Variants in ADGRB2 observed in about 807,000 individuals in gnomAD.
The protein encoded by ADGRB2 is brain-specific angiogenesis inhibitor 2.
In ADGRB2, 47 loss-of-function variants were observed where a neutral mutation model predicts 178.7. The ratio of observed to expected loss-of-function variants is 0.26; its 90% confidence interval spans 0.21 to 0.34. The LOEUF is 0.34. Ranked by LOEUF, ADGRB2 falls within the 10% of genes least tolerant of loss-of-function variation. ADGRB2 has a pLI of 1.00. For missense variants in ADGRB2, 1,584 were observed against 2,180.8 expected, an observed-to-expected ratio of 0.73 and a Z score of 5.45; for synonymous variants, 870 against 912.4, an observed-to-expected ratio of 0.95 and a Z score of 0.84.
In ADGRB2 at chr1:31,744,249, A is replaced by G. The variant is rs1299919460; in HGVS notation, c.1031T>C (p.Leu344Pro). 1.3e-6 allele frequency: 2 copies of G among 1,550,028 alleles called. No individual in the cohort carries two copies. The highest frequency in any genetic ancestry group is 2.0e-5 in the Admixed American group (1 of 50,580). ...GGTCTCCCGCAGGGGCCCGCTGCAC[A>G]GGGTCCCATAGGGGGAGGACACACA... ...RSCVSSPYGT[L>P]CSGPLRETRP... is the part of the protein sequence containing the mutation. Residue 344 changes from leucine (L) to proline (P), a missense_variant, in exon 6 of 33, where the codon CTG becomes CCG. Around this residue, in one of 3 missense-constraint regions of ADGRB2, gnomAD observed 657 missense variants for 847.6 expected, o/e 0.78. Coordinates refer to ENST00000373658, the MANE Select transcript of ADGRB2 (RefSeq NM_001364857.2). This position sits in a 1 kb window ranked among gnomAD's most constrained non-coding sequence, Gnocchi z 6.7.
At chr1:31,732,878 C>A in intron 26 of ADGRB2, 94 bp downstream of exon 26, 5 of 1,452,564 alleles carry the variant, frequency 3.4e-6, no homozygotes, top group African/African-American at 1.4e-5. Context: ...GCACCCTGGT[C>A]GGGGCCTCGA....
intron 4 of ADGRB2, among the ~76,000 whole-genome samples, chr1:31,750,198 T>G (rs1469334290): frequency 4.6e-5 from 7 of 152,230 alleles, no homozygotes; most frequent in Admixed American, 4.6e-4. Context: ...GGTCCTCTTT[T>G]CTATGGCCTA....
In ADGRB2 at chr1:31,735,125, C is replaced by T. The variant is rs916744882; in HGVS notation, c.3452+58G>A. 3 of 559,268 alleles carry T rather than the reference C, an allele frequency of 5.4e-6. No individual in the cohort carries two copies. Among genetic ancestry groups the T allele is most frequent in the African/African-American group, 3.9e-5 (2 of 50,690 alleles). The allele number at this position is 559,268 out of a possible 1,614,324, so 34.6% of individuals were successfully genotyped here. A position where few individuals can be genotyped will look rare whatever the true frequency, so the allele number is the denominator to read the frequency against. On this transcript the variant is annotated intron_variant, in intron 25 of 32. Coordinates refer to ENST00000373658, the MANE Select transcript of ADGRB2 (RefSeq NM_001364857.2). The surrounding 1 kb of genome is among the most constrained non-coding windows in gnomAD (Gnocchi z 6.0). Reference sequence around the variant, plus strand: ...CCTCCTCCCCCCACCATGGGCACTGCCCCCCCCAATTCCTTTGCCCCACCC... The same window carrying T: ...CCTCCTCCCCCCACCATGGGCACTGTCCCCCCCAATTCCTTTGCCCCACCC...
Position 31,744,842 on chromosome 1 carries a change from T to C in ADGRB2, c.839-111A>G. 1 of 968,284 alleles carries C rather than the reference T, an allele frequency of 1.0e-6. No individual in the cohort carries two copies. Among genetic ancestry groups the C allele is most frequent in the South Asian group, 1.4e-5 (1 of 73,618 alleles). 60.0% of individuals were successfully genotyped at this position (968,284 alleles called of 1,614,324 possible). On this transcript the variant is annotated intron_variant, in intron 4 of 32. Transcript: ENST00000373658. This position sits in a 1 kb window ranked among gnomAD's most constrained non-coding sequence, Gnocchi z 6.7. ...CTCCGCCTGAGGGCCTGGAACCAAC[T>C]GCATGATGCTCTCTCAGGATCACAT...
chr1:31,744,314 G>T lies in ADGRB2; in HGVS notation c.966C>A (p.Ser322=). 6.4e-7 allele frequency: 1 copy of T among 1,551,348 alleles called. No individual in the cohort carries two copies. The highest frequency in any genetic ancestry group is 8.7e-7 in the Non-Finnish European group (1 of 1,146,922). The stretch of plus-strand genomic sequence containing the variant: ...CCTGCAGACCCTGCCCACACGTCAG[G>T]GAACACACGCTCCACGGGGACCACT... The part of the protein sequence containing the change: ...AEEWSPWSVC[S]LTCGQGLQVR... Residue 322 remains serine (S), a synonymous_variant, in exon 6 of 33, where the codon TCC becomes TCA. Coordinates refer to ENST00000373658, the MANE Select transcript of ADGRB2 (RefSeq NM_001364857.2). This position sits in a 1 kb window ranked among gnomAD's most constrained non-coding sequence, Gnocchi z 6.7.
chr1:31,732,036 G>A, intron 28 of ADGRB2, 79 bp downstream of exon 28: 2 of 1,577,096 alleles, frequency 1.3e-6, no homozygotes, highest in Non-Finnish European at 1.7e-6. Flanking sequence ...CTCCATCAGG[G>A]CCTCCCATGA....
Position 31,741,710 on chromosome 1 carries a change from C to A in ADGRB2, c.1601G>T (p.Cys534Phe). ...EKRCPAFHEM[C>F]RDEYVMLMTW... is the part of the protein sequence containing the mutation. ...CATCAGCATCACGTACTCATCCCTG[C>A]ACATCTCATGGAAGGCTGTGGGTGC... Residue 534 changes from cysteine to phenylalanine, a missense_variant, in exon 10 of 33, where the codon TGC becomes TTC. By Grantham distance (205) the Cys-to-Phe change is radical. Around this residue, in one of 3 missense-constraint regions of ADGRB2, gnomAD observed 657 missense variants for 847.6 expected, o/e 0.78. Coordinates refer to ENST00000373658, the MANE Select transcript of ADGRB2 (RefSeq NM_001364857.2). The surrounding 1 kb of genome is among the most constrained non-coding windows in gnomAD (Gnocchi z 6.5). 1 of 1,613,812 alleles carries A rather than the reference C, an allele frequency of 6.2e-7. No homozygotes were observed. The highest frequency in any genetic ancestry group is 8.5e-7 in the Non-Finnish European group (1 of 1,179,784).
At position 31,737,464 on chromosome 1, in the gene ADGRB2, G is replaced by T; in HGVS notation, c.2944C>A (p.Leu982Met). The T allele has an allele frequency of 2.5e-6, 4 of 1,614,182 alleles. No individual in the cohort carries two copies. The highest frequency in any genetic ancestry group is 3.4e-6 in the Non-Finnish European group (4 of 1,180,038). The change falls in exon 20 of 33, where the codon CTG becomes ATG. Residue 982 changes from leucine (L) to methionine (M), a missense_variant. By Grantham distance (15) the Leu-to-Met change is conservative (BLOSUM62 2). This residue lies in a region of ADGRB2 where 865 missense variants were observed against 1,192.8 expected (regional missense o/e 0.73). Transcript: ENST00000373658. Reference sequence around the variant, plus strand: ...ACCCGGGACTGGCCCACGAGGATCAGGATGTTGGATGCCAAGATGGACAGG... The same window carrying T: ...ACCCGGGACTGGCCCACGAGGATCATGATGTTGGATGCCAAGATGGACAGG... Reference protein sequence around the residue: ...FCLSILASNILILVGQSRVLS... With the variant: ...FCLSILASNIMILVGQSRVLS...
chr1:31,730,438 T>G (rs1038755771), intron 29 of ADGRB2, among the ~76,000 whole-genome samples: 4 of 152,194 alleles, frequency 2.6e-5, no homozygotes, highest in African/African-American at 9.7e-5. Context: ...CTGATCTCAC[T>G]GCCAATCAGA....
chr1:31,729,773 C>T (rs1270995028), intron 29 of ADGRB2, among the ~76,000 whole-genome samples: 3 of 152,216 alleles, frequency 2.0e-5, no homozygotes, highest in Non-Finnish European at 4.4e-5. Flanking sequence ...CAACAGTGGC[C>T]GGCAGGCAGG....
Position 31,739,431 on chromosome 1 carries a change from G to A in ADGRB2, c.2372C>T (p.Thr791Met), listed in dbSNP as rs774818699. Residue 791 changes from threonine (T) to methionine (M), a missense_variant, in exon 15 of 33, where the codon ACG (threonine) becomes ATG (methionine). This residue lies in a region of ADGRB2 where 865 missense variants were observed against 1,192.8 expected (regional missense o/e 0.73). Transcript: ENST00000373658. ...GGAGTGGCCTGGGCCAGGAGGCACC[G>A]TTCCTGGGCCCCTCCCCCTGCCAGG... ...GSPGRGRGPGTVPPGPGHSHQ... is the reference protein window; with the variant it reads ...GSPGRGRGPGMVPPGPGHSHQ... 23 of 1,583,598 alleles carry A rather than the reference G, an allele frequency of 1.5e-5. No individual in the cohort carries two copies. The highest frequency in any genetic ancestry group is 1.7e-4 in the Middle Eastern group (1 of 5,872).
intron 27 of ADGRB2, 36 bp downstream of exon 27, chr1:31,732,481 G>A: frequency 6.2e-7 from 1 of 1,609,112 alleles, no homozygotes; most frequent in Non-Finnish European, 8.5e-7. Context: ...GGGGTGCCCA[G>A]AATCTGCCCA....
chr1:31,735,217 G>A lies in ADGRB2; in HGVS notation c.3418C>T (p.Pro1140Ser), dbSNP rs1645518195. Reference sequence around the variant, plus strand: ...CTGGCCGAGGCTGAGCTGAGCAGGGGGCTGGGGACCGCTCCACACGCTGAG... The same window carrying A: ...CTGGCCGAGGCTGAGCTGAGCAGGGAGCTGGGGACCGCTCCACACGCTGAG... Reference protein sequence around the residue: ...PCSACGAVPSPLLSSASARNA... With the variant: ...PCSACGAVPSSLLSSASARNA... The change falls in exon 25 of 33, where the codon CCC becomes TCC. Residue 1140 changes from proline (P) to serine (S), a missense_variant. Pro to Ser is a moderately conservative substitution (Grantham distance 74). Transcript: ENST00000373658. The surrounding 1 kb of genome is among the most constrained non-coding windows in gnomAD (Gnocchi z 6.0). The A allele has an allele frequency of 9.6e-6, 14 of 1,457,766 alleles. No homozygotes were observed. Among genetic ancestry groups the A allele is most frequent in the East Asian group, 2.5e-5 (1 of 40,050 alleles). 90.3% of individuals were successfully genotyped at this position (1,457,766 alleles called of 1,614,324 possible).
At chr1:31,730,183 T>A (rs1645204660) in intron 29 of ADGRB2, among the ~76,000 whole-genome samples, 1 of 152,196 alleles carries the variant, frequency 6.6e-6, no homozygotes, top group Non-Finnish European at 1.5e-5. Context: ...GGTGAAGGAT[T>A]CACAGAACAC....
intron 20 of ADGRB2, among the ~76,000 whole-genome samples, chr1:31,737,135 T>G (rs186799100): frequency 2.0e-5 from 3 of 152,048 alleles, no homozygotes; most frequent in African/African-American, 7.2e-5. Flanking sequence ...CACTCAGGCT[T>G]CCACACGCTC....
chr1:31,735,374 G>T lies in ADGRB2; in HGVS notation c.3354-93C>A. ...GAGCCCCGAGTGGGGTGGGAGGGGAGGGCAGACGAGAGAGAGAGAGCTGGG... is the reference window on the plus strand; with the variant it reads ...GAGCCCCGAGTGGGGTGGGAGGGGATGGCAGACGAGAGAGAGAGAGCTGGG... On this transcript the variant is annotated intron_variant, in intron 24 of 32. Coordinates refer to ENST00000373658, the MANE Select transcript of ADGRB2 (RefSeq NM_001364857.2). This position sits in a 1 kb window ranked among gnomAD's most constrained non-coding sequence, Gnocchi z 6.0. The T allele has an allele frequency of 8.6e-7, 1 of 1,158,758 alleles. No homozygotes were observed. The allele number at this position is 1,158,758 out of a possible 1,614,324, so 71.8% of individuals were successfully genotyped here. A position where few individuals can be genotyped will look rare whatever the true frequency, so the allele number is the denominator to read the frequency against.
Position 31,756,234 on chromosome 1 carries a change from G to T in ADGRB2, c.603C>A (p.Leu201=). The T allele has an allele frequency of 6.2e-7, 1 of 1,613,606 alleles. No individual in the cohort carries two copies. The highest frequency in any genetic ancestry group is 1.1e-5 in the South Asian group (1 of 91,090). ...NNSSQFTCGV[L]CRWSEECGRA... is the part of the protein sequence containing the mutation. ...GGCCACACTCCTCACTCCAGCGGCAGAGCACACCACAGGTGAATTGGCTAG... is the reference window on the plus strand; with the variant it reads ...GGCCACACTCCTCACTCCAGCGGCATAGCACACCACAGGTGAATTGGCTAG... Residue 201 remains leucine, a synonymous_variant, in exon 4 of 33, where the codon CTC becomes CTA. Transcript: ENST00000373658. This position sits in a 1 kb window ranked among gnomAD's most constrained non-coding sequence, Gnocchi z 8.5.
At chr1:31,731,557 G>T in intron 28 of ADGRB2, 138 bp from the exon 29 acceptor site, 1 of 1,076,824 alleles carries the variant, frequency 9.3e-7, no homozygotes, top group Non-Finnish European at 1.3e-6. Flanking sequence ...TGGCTGGGTG[G>T]TTGGTAATCT....
rs561174113 is a variant in ADGRB2 at position 31,750,715 on chromosome 1, T to C, written c.838+5284A>G. 2.1e-3 allele frequency among the ~76,000 whole-genome samples: 322 copies of C among 152,100 alleles called. 1 individual carries two copies. Among genetic ancestry groups the C allele is most frequent in the Non-Finnish European group, 3.3e-3 (226 of 67,992 alleles). On this transcript the variant is annotated intron_variant, in intron 4 of 32. Coordinates refer to ENST00000373658, the MANE Select transcript of ADGRB2 (RefSeq NM_001364857.2). ...ACACATGCTCTGTCATGTCCCCCCA[T>C]GGCACCCCATCCCCAGCAGTGCTTC...
Sources: gnomAD v4.1 joint callset for allele counts (sites outside exome capture counted in the v4.1 genomes callset) on GRCh38, gnomAD v4.1.1 for gene constraint, gnomAD v4.1.1 regional missense constraint, Gnocchi (gnomAD v3.1) non-coding constraint, MANE v1.5 for transcripts, NCBI Gene and HGNC (gene_info 2026-07-23, HGNC 2026-07-21) for gene names.